Variants in UROC1 observed in about 807,000 individuals in gnomAD.
UROC1 encodes urocanate hydratase.
A neutral mutation model predicts 89.5 loss-of-function variants in UROC1; 79 were observed. The observed-to-expected ratio is 0.88, with a 90% CI of 0.74 to 1.06. UROC1 has a LOEUF of 1.06. Among genes scored for constraint, UROC1 ranks in the 50% least tolerant of loss-of-function variants. The pLI, the probability that UROC1 is intolerant of heterozygous loss-of-function variation, is 0.00. For synonymous variants in UROC1, 361 were observed against 354.8 expected, an observed-to-expected ratio of 1.02 and a Z score of -0.20; for missense variants, 885 against 907.8, an observed-to-expected ratio of 0.97 and a Z score of 0.32.
intron 12 of UROC1, among the ~76,000 whole-genome samples, chr3:126,499,691 G>A (rs531126048): frequency 1.4e-4 from 21 of 152,336 alleles, no homozygotes; most frequent in South Asian, 6.2e-4. Context: ...TTCCCACTGC[G>A]GACACTGTGC....
At chr3:126,504,274 G>T (rs114520646) in intron 8 of UROC1, among the ~76,000 whole-genome samples, 191 bp from the exon 9 acceptor site, 3,532 of 152,188 alleles carry the variant, frequency 0.023, 45 homozygotes, top group African/African-American at 0.026. Flanking sequence ...CTTATAAGCA[G>T]AACCCAGGTA....
intron 13 of UROC1, among the ~76,000 whole-genome samples, chr3:126,499,019 G>A (rs77717374): frequency 0.024 from 3,712 of 152,072 alleles, 60 homozygotes; most frequent in Non-Finnish European, 0.035. Flanking sequence ...CCACCCACGA[G>A]GGCCTGTGAA....
intron 18 of UROC1, 66 bp downstream of exon 18, chr3:126,488,132 C>G: frequency 6.3e-7 from 1 of 1,577,440 alleles, no homozygotes; most frequent in East Asian, 2.2e-5. Context: ...TCAGCCTGGC[C>G]CTGCCCCAAA....
At chr3:126,511,692 A>G (rs1420860395) in intron 1 of UROC1, among the ~76,000 whole-genome samples, 2 of 152,238 alleles carry the variant, frequency 1.3e-5, no homozygotes, top group African/African-American at 4.8e-5. Context: ...TTAAAGGTGA[A>G]ATGTGTAAGA....
chr3:126,493,954 A>G (rs572875586), intron 15 of UROC1, among the ~76,000 whole-genome samples: 1 of 152,278 alleles, frequency 6.6e-6, no homozygotes, highest in African/African-American at 2.4e-5. Flanking sequence ...GGCCGGGACA[A>G]TGAGTCTAGC....
At position 126,498,072 on chromosome 3, in the gene UROC1, C is replaced by T. The variant is rs1935824292; in HGVS notation, c.1417G>A (p.Glu473Lys). ...TCACCTCCATCAGCAATGGCTTCCT[C>T]CAGCACAGATGTGGCCAGTTCGTCT... ...VTDELATSVLEEAIADGVKVS... is the reference protein window; with the variant it reads ...VTDELATSVLKEAIADGVKVS... The change falls in exon 14 of 20, where the codon GAG becomes AAG. Residue 473 changes from glutamate (E) to lysine (K), a missense_variant. By Grantham distance (56) the Glu-to-Lys change is moderately conservative. Coordinates refer to ENST00000290868, the MANE Select transcript of UROC1 (RefSeq NM_144639.3). 6.2e-7 allele frequency: 1 copy of T among 1,614,016 alleles called. No homozygotes were observed.
intron 18 of UROC1, among the ~76,000 whole-genome samples, 180 bp downstream of exon 18, chr3:126,488,018 C>T (rs1288360745): frequency 6.6e-6 from 1 of 152,170 alleles, no homozygotes; most frequent in East Asian, 1.9e-4. Context: ...AAGTCCTCTC[C>T]TGAAGTTCTG....
chr3:126,496,891 G>A (rs891223523), intron 14 of UROC1, among the ~76,000 whole-genome samples: 5 of 152,200 alleles, frequency 3.3e-5, no homozygotes, highest in Admixed American at 6.5e-5. Flanking sequence ...ATGTGGAGCT[G>A]GGTCAGCACG....
chr3:126,504,200 T>C (rs1173509947), intron 8 of UROC1, 117 bp from the exon 9 acceptor site: 3 of 1,001,884 alleles, frequency 3.0e-6, no homozygotes, highest in Non-Finnish European at 4.7e-6. Context: ...TGCTTTTCTA[T>C]AACACAGTCT....
intron 13 of UROC1, 114 bp downstream of exon 13, chr3:126,499,223 C>A (rs1935851445): frequency 8.3e-7 from 1 of 1,200,378 alleles, no homozygotes; most frequent in Non-Finnish European, 1.2e-6. Context: ...AGCGCATGAC[C>A]TCAGGGGCGG....
In UROC1 at chr3:126,504,084, C is replaced by T. The variant is rs760164588; in HGVS notation, c.814-1G>A. 1.1e-5 allele frequency: 18 copies of T among 1,613,936 alleles called. No individual in the cohort carries two copies. The highest frequency in any genetic ancestry group is 8.3e-5 in the Admixed American group (5 of 59,984). ...GTTTCTCAAGGGCTGCTTTATCCACCTGGGGCCATGAGACATGGGGCCACG... is the reference window on the plus strand; with the variant it reads ...GTTTCTCAAGGGCTGCTTTATCCACTTGGGGCCATGAGACATGGGGCCACG... On this transcript the variant is annotated splice_acceptor_variant, in intron 8 of 19. Coordinates refer to ENST00000290868, the MANE Select transcript of UROC1 (RefSeq NM_144639.3). LOFTEE classifies it high-confidence loss of function.
chr3:126,496,214 A>G, intron 14 of UROC1, 106 bp from the exon 15 acceptor site: 1 of 1,162,620 alleles, frequency 8.6e-7, no homozygotes, highest in Non-Finnish European at 1.3e-6. Flanking sequence ...CCCACCACTG[A>G]GCTAGGACAC....
At chr3:126,494,727 C>T (rs750094294) in intron 15 of UROC1, among the ~76,000 whole-genome samples, 2 of 152,204 alleles carry the variant, frequency 1.3e-5, no homozygotes, top group African/African-American at 2.4e-5. Flanking sequence ...GGGCTGGTCC[C>T]TCTGCCTCGA....
At position 126,517,691 on chromosome 3, in the gene UROC1, C is replaced by T; in HGVS notation, c.29G>A (p.Gly10Asp). ...CTCTGGGAGGGGCCGCAGGGGCAGG[C>T]CAGAGCACAGCGCCTGGAGGCTAGA... is the stretch of plus-strand genomic sequence containing the variant. MSSLQALCS[G>D]LPLRPLPENR... Residue 10 changes from glycine (G) to aspartate (D), a missense_variant, in exon 1 of 20, where the codon GGC (glycine) becomes GAC (aspartate). Gly to Asp is a moderately conservative substitution (Grantham distance 94). Transcript: ENST00000290868. 2 of 1,595,702 alleles carry T rather than the reference C, an allele frequency of 1.3e-6. No individual in the cohort carries two copies. The highest frequency in any genetic ancestry group is 1.7e-6 in the Non-Finnish European group (2 of 1,171,738).
Position 126,492,524 on chromosome 3 carries a change from G to C in UROC1, c.1510-8C>G, listed in dbSNP as rs56681725. ...TGCCTGGGAGCCCACCACCTGAGGAGAGAAGGGCAACTGGCATCTCAGCCA... is the reference window on the plus strand; with the variant it reads ...TGCCTGGGAGCCCACCACCTGAGGACAGAAGGGCAACTGGCATCTCAGCCA... On this transcript the variant is annotated splice_polypyrimidine_tract_variant and splice_region_variant and intron_variant, in intron 15 of 19. Coordinates refer to ENST00000290868, the MANE Select transcript of UROC1 (RefSeq NM_144639.3). 10 of 1,609,088 alleles carry C rather than the reference G, an allele frequency of 6.2e-6. No individual in the cohort carries two copies. The South Asian group carries it at 9.9e-5, about 16-fold the overall frequency.
intron 1 of UROC1, among the ~76,000 whole-genome samples, chr3:126,513,941 T>C (rs1007412008): frequency 3.3e-5 from 5 of 152,076 alleles, no homozygotes. Flanking sequence ...ACCAAGCCCC[T>C]GCCTGCACAG....
At chr3:126,510,930 G>A (rs1053273222) in intron 1 of UROC1, 136 bp from the exon 2 acceptor site, 2 of 1,348,570 alleles carry the variant, frequency 1.5e-6, no homozygotes, top group Non-Finnish European at 2.0e-6. Flanking sequence ...CCCAGAGACT[G>A]TTCTCACCCC....
intron 18 of UROC1, among the ~76,000 whole-genome samples, chr3:126,484,650 C>T (rs942698055): frequency 7.2e-5 from 11 of 152,216 alleles, no homozygotes; most frequent in Admixed American, 6.5e-5. Context: ...CTTGCAGCCA[C>T]CTACACTCCC....
rs116286432 is a variant in UROC1 at position 126,492,522 on chromosome 3, G to A, written c.1510-6C>T. On this transcript the variant is annotated splice_polypyrimidine_tract_variant and splice_region_variant and intron_variant, in intron 15 of 19. Coordinates refer to ENST00000290868, the MANE Select transcript of UROC1 (RefSeq NM_144639.3). ...CTTGCCTGGGAGCCCACCACCTGAG[G>A]AGAGAAGGGCAACTGGCATCTCAGC... is the stretch of plus-strand genomic sequence containing the variant. 1.2e-3 allele frequency: 1,863 copies of A among 1,609,792 alleles called. 20 individuals carry two copies. The African/African-American group carries it at 0.023, about 20-fold the overall frequency.
Sources: allele counts gnomAD v4.1 joint callset (sites outside exome capture counted in the v4.1 genomes callset), GRCh38; gene constraint gnomAD v4.1.1; transcripts MANE v1.5; gene names NCBI Gene and HGNC (gene_info 2026-07-23, HGNC 2026-07-21).